Variants in ZNF804B observed in about 807,000 individuals in gnomAD.
The protein encoded by ZNF804B is zinc finger protein 804B.
A neutral mutation model predicts 101.4 loss-of-function variants in ZNF804B; 80 were observed. The ratio of observed to expected loss-of-function variants is 0.79; its 90% CI spans 0.66 to 0.95. The LOEUF is 0.95. Among genes scored for constraint, ZNF804B ranks in the 40% least tolerant of loss-of-function variants. ZNF804B has a pLI of 0.00. For missense variants in ZNF804B, 1,673 were observed against 1,561.9 expected (o/e 1.07, Z -1.20); for synonymous variants, 622 against 558.8 (o/e 1.11, Z -1.59).
At chr7:89,325,625 A>G (rs1201624493) in intron 2 of ZNF804B, among the ~76,000 whole-genome samples, 2 of 151,992 alleles carry the variant, frequency 1.3e-5, no homozygotes, top group Admixed American at 6.6e-5. Flanking sequence ...AAAGAAACAG[A>G]GGTACCCCAA....
At chr7:89,330,482 TC>T (rs1790962694) in intron 3 of ZNF804B, among the ~76,000 whole-genome samples, 1 of 151,660 alleles carries the variant, frequency 6.6e-6, no homozygotes, top group South Asian at 2.1e-4. Context: ...ACAATTTTTT[TC>T]CAGTTATATC....
intron 3 of ZNF804B, among the ~76,000 whole-genome samples, chr7:89,331,438 A>G (rs558296669): frequency 6.6e-6 from 1 of 151,886 alleles, no homozygotes; most frequent in African/African-American, 2.4e-5. Context: ...ATGCCTAATG[A>G]ACATCAAAAA....
chr7:89,006,586 A>G lies in ZNF804B; in HGVS notation c.109-211569A>G, dbSNP rs1584067309. Among the ~76,000 whole-genome samples, 3 of 152,186 alleles carry G rather than the reference A, an allele frequency of 2.0e-5. No individual in the cohort carries two copies. In the South Asian group the frequency reaches 6.2e-4, roughly 32 times the overall value. ...TAGTTATTATATTTATCATATTAAT[A>G]ATTTAAAGTATAGCACAATTGATGT... On this transcript the variant is annotated intron_variant, in intron 1 of 3. Coordinates refer to ENST00000333190, the MANE Select transcript of ZNF804B (RefSeq NM_181646.5).
intron 1 of ZNF804B, among the ~76,000 whole-genome samples, chr7:89,129,647 A>G (rs1048040474): frequency 6.6e-6 from 1 of 151,884 alleles, no homozygotes; most frequent in African/African-American, 2.4e-5. Flanking sequence ...TAACCCCTCA[A>G]ATGATTTGAT....
At chr7:88,979,870 T>C (rs534052431) in intron 1 of ZNF804B, among the ~76,000 whole-genome samples, 14 of 151,856 alleles carry the variant, frequency 9.2e-5, no homozygotes, top group African/African-American at 3.4e-4. Context: ...TTTGAGGGTA[T>C]TTTATAGATT....
At chr7:88,884,860 T>C (rs1583996876) in intron 1 of ZNF804B, among the ~76,000 whole-genome samples, 2 of 152,042 alleles carry the variant, frequency 1.3e-5, no homozygotes, top group East Asian at 3.9e-4. Flanking sequence ...ATGTTGTCTT[T>C]GAGTGGAAGT....
chr7:88,942,502 G>A (rs1407450432), intron 1 of ZNF804B, among the ~76,000 whole-genome samples: 1 of 25,512 alleles, frequency 3.9e-5, no homozygotes, highest in Non-Finnish European at 8.8e-5. Context: ...ATTTGAGTGA[G>A]TGTGTGTGTG....
intron 1 of ZNF804B, among the ~76,000 whole-genome samples, chr7:89,088,343 A>G (rs760974272): frequency 2.0e-5 from 3 of 152,080 alleles, no homozygotes; most frequent in African/African-American, 4.8e-5. Flanking sequence ...CAAGGTGGAT[A>G]TAGGAGCTGA....
At chr7:88,916,417 G>A (rs895824459) in intron 1 of ZNF804B, among the ~76,000 whole-genome samples, 3 of 152,088 alleles carry the variant, frequency 2.0e-5, no homozygotes, top group African/African-American at 7.2e-5. Flanking sequence ...TATTGGTAAT[G>A]AAAACAATGT....
At chr7:89,244,892 A>G (rs1789420971) in intron 2 of ZNF804B, among the ~76,000 whole-genome samples, 1 of 152,322 alleles carries the variant, frequency 6.6e-6, no homozygotes, top group African/African-American at 2.4e-5. Context: ...CACAATCTTT[A>G]TGATGTGAAC....
At chr7:88,894,218 CT>C (rs1237729027) in intron 1 of ZNF804B, among the ~76,000 whole-genome samples, 225 of 144,174 alleles carry the variant, frequency 1.6e-3, no homozygotes, top group Middle Eastern at 3.6e-3. Flanking sequence ...TATGCAATCC[CT>C]TTTTTTTTTT....
At chr7:88,854,063 G>A (rs560660824) in intron 1 of ZNF804B, among the ~76,000 whole-genome samples, 1 of 152,188 alleles carries the variant, frequency 6.6e-6, no homozygotes, top group South Asian at 2.1e-4. Flanking sequence ...TTAACTAAAT[G>A]TGAAAATTAA....
chr7:89,042,389 A>G (rs1240717651), intron 1 of ZNF804B, among the ~76,000 whole-genome samples: 1 of 152,180 alleles, frequency 6.6e-6, no homozygotes, highest in Non-Finnish European at 1.5e-5. Flanking sequence ...AGAGAATATG[A>G]AAAGTGGTTA....
At chr7:89,129,132 G>T (rs7801620) in intron 1 of ZNF804B, among the ~76,000 whole-genome samples, 1 of 151,616 alleles carries the variant, frequency 6.6e-6, no homozygotes, top group African/African-American at 2.4e-5. Flanking sequence ...AATAATTCTT[G>T]GGTATTAATC....
chr7:88,967,213 C>G (rs561608228), intron 1 of ZNF804B, among the ~76,000 whole-genome samples: 32 of 144,566 alleles, frequency 2.2e-4, no homozygotes, highest in African/African-American at 8.0e-4. Context: ...ACTCACAGTT[C>G]CACAGGCTGT....
At chr7:89,071,851 A>G (rs1789546856) in intron 1 of ZNF804B, among the ~76,000 whole-genome samples, 1 of 152,044 alleles carries the variant, frequency 6.6e-6, no homozygotes, top group African/African-American at 2.4e-5. Flanking sequence ...ACTAAGAAAT[A>G]CTTACTTTTC....
At position 89,181,496 on chromosome 7, in the gene ZNF804B, C is replaced by G. The variant is rs1321755921; in HGVS notation, c.109-36659C>G. Reference sequence around the variant, plus strand: ...GCAGCACTGAGTTCCAATGCAATGTCCCACGGTCCCTGCAGTCTCCCTTCC... The same window carrying G: ...GCAGCACTGAGTTCCAATGCAATGTGCCACGGTCCCTGCAGTCTCCCTTCC... On this transcript the variant is annotated intron_variant, in intron 1 of 3. Transcript: ENST00000333190. Among the ~76,000 whole-genome samples, 3 of 152,130 alleles carry G rather than the reference C, an allele frequency of 2.0e-5. No homozygotes were observed. In the East Asian group the frequency reaches 5.8e-4, roughly 29 times the overall value.
chr7:89,181,246 C>A, intron 1 of ZNF804B, among the ~76,000 whole-genome samples: 1 of 151,734 alleles, frequency 6.6e-6, no homozygotes, highest in East Asian at 2.0e-4. Flanking sequence ...ACTGCAAGCC[C>A]AGCATGGCAC....
intron 1 of ZNF804B, among the ~76,000 whole-genome samples, chr7:89,174,691 T>C (rs1791292631): frequency 6.6e-6 from 1 of 152,096 alleles, no homozygotes; most frequent in Non-Finnish European, 1.5e-5. Flanking sequence ...CCATAGTAGC[T>C]GTACTAATTT....
Sources: allele counts gnomAD v4.1 joint callset (sites outside exome capture counted in the v4.1 genomes callset), GRCh38; gene constraint gnomAD v4.1.1; transcripts MANE v1.5; gene names NCBI Gene and HGNC (gene_info 2026-07-23, HGNC 2026-07-21).